Variants in SNRNP40 observed in about 807,000 individuals in gnomAD.
SNRNP40 encodes small nuclear ribonucleoprotein U5 subunit 40.
In SNRNP40, 21 loss-of-function variants were observed where a neutral mutation model predicts 45.8. That is an observed-to-expected ratio of 0.46 (90% CI 0.32 to 0.66). The LOEUF (loss-of-function observed/expected upper bound fraction) is 0.66, where lower values mean the gene tolerates loss of function less well. SNRNP40 is among the 30% of genes least tolerant of loss of function. SNRNP40 has a pLI of 0.03. For synonymous variants in SNRNP40, 142 were observed against 163.8 expected, an observed-to-expected ratio of 0.87 and a Z score of 1.01; for missense variants, 344 against 439.1, an observed-to-expected ratio of 0.78 and a Z score of 1.94.
At chr1:31,294,473 T>TA (rs1646127965) in intron 1 of SNRNP40, among the ~76,000 whole-genome samples, 2 of 149,632 alleles carry the variant, frequency 1.3e-5, no homozygotes, top group Non-Finnish European at 1.5e-5. Context: ...TTTATTTATT[T>TA]TTTGGGGAAG....
At chr1:31,263,908 C>T (rs1645878058) in intron 8 of SNRNP40, among the ~76,000 whole-genome samples, 1 of 94,404 alleles carries the variant, frequency 1.1e-5, no homozygotes, top group South Asian at 3.2e-4. Flanking sequence ...CATAAATGTA[C>T]TGGCTAAAAA....
chr1:31,284,307 C>T (rs1198661223), intron 4 of SNRNP40, among the ~76,000 whole-genome samples: 3 of 152,164 alleles, frequency 2.0e-5, no homozygotes, highest in Admixed American at 6.6e-5. Flanking sequence ...CGCCACCACG[C>T]CCAGCTAATT....
chr1:31,262,605 C>T (rs564663820), intron 8 of SNRNP40, among the ~76,000 whole-genome samples: 2 of 148,812 alleles, frequency 1.3e-5, no homozygotes, highest in African/African-American at 2.5e-5. Flanking sequence ...AAAACTGGGG[C>T]ACAGTGACGT....
Position 31,267,228 on chromosome 1 carries a change from AAT to A in SNRNP40, c.920+641_920+642del, listed in dbSNP as rs532801927. ...GTGATGGTGGGGGAGGTGGGTATTT[AAT>A]ATGTGTTCAAATGAACTGAAGCATG... On this transcript the variant is annotated intron_variant, in intron 8 of 9. Transcript: ENST00000263694. Among the ~76,000 whole-genome samples the A allele has an allele frequency of 2.2e-3, 328 of 152,278 alleles. 2 individuals are homozygous for A. Among genetic ancestry groups the A allele is most frequent in the Non-Finnish European group, 3.6e-3 (247 of 68,018 alleles).
intron 4 of SNRNP40, among the ~76,000 whole-genome samples, chr1:31,287,399 G>A (rs1344630895): frequency 1.3e-5 from 2 of 152,074 alleles, no homozygotes; most frequent in African/African-American, 4.8e-5. Context: ...TAAGGCAGAA[G>A]AGAAGCAAAA....
chr1:31,272,061 C>G (rs535392864), intron 5 of SNRNP40, among the ~76,000 whole-genome samples: 1 of 151,890 alleles, frequency 6.6e-6, no homozygotes, highest in Non-Finnish European at 1.5e-5. Context: ...AGGTTATTTT[C>G]AAATCATAGC....
In SNRNP40 at chr1:31,279,646, C is replaced by G. The variant is rs565655487; in HGVS notation, c.654+1728G>C. On this transcript the variant is annotated intron_variant, in intron 5 of 9. Transcript: ENST00000263694. ...CCTGTAGTCCCAGCTACTCAGGAGG[C>G]TGAGGCAAGAGAATTGCTTGAACCC... is the stretch of plus-strand genomic sequence containing the variant. Among the ~76,000 whole-genome samples, 24 of 152,044 alleles carry G rather than the reference C, an allele frequency of 1.6e-4. 1 individual carries two copies. In the South Asian group the frequency reaches 2.3e-3, roughly 14 times the overall value.
intron 7 of SNRNP40, among the ~76,000 whole-genome samples, chr1:31,268,707 T>A (rs1051303851): frequency 2.0e-5 from 3 of 152,116 alleles, no homozygotes; most frequent in Non-Finnish European, 4.4e-5. Flanking sequence ...TTGAAAAAAA[T>A]TTTCTCTCTC....
At chr1:31,263,518 C>G (rs1405228622) in intron 8 of SNRNP40, 6 of 376,308 alleles carry the variant, frequency 1.6e-5, no homozygotes, top group Admixed American at 1.4e-4. Flanking sequence ...CCCCTGAAAT[C>G]AACTCTGTTC....
chr1:31,284,321 C>G (rs12758600), intron 4 of SNRNP40, among the ~76,000 whole-genome samples: 117,706 of 151,798 alleles, frequency 0.78, 45,992 homozygotes, highest in African/African-American at 0.81. Flanking sequence ...GCTAATTTTT[C>G]TATTTTTAGA....
intron 4 of SNRNP40, 51 bp from the exon 5 acceptor site, chr1:31,281,547 T>C (rs376242602): frequency 9.6e-6 from 15 of 1,555,078 alleles, no homozygotes; most frequent in East Asian, 4.6e-5. Flanking sequence ...TAAGAAGCAA[T>C]TGCACAGTAC....
intron 8 of SNRNP40, among the ~76,000 whole-genome samples, chr1:31,263,894 C>A (rs1255016919): frequency 6.9e-6 from 1 of 145,834 alleles, no homozygotes; most frequent in Non-Finnish European, 1.5e-5. Context: ...TTTCACTTAC[C>A]CTCCATAAAT....
At chr1:31,267,156 C>T (rs1016286820) in intron 8 of SNRNP40, among the ~76,000 whole-genome samples, 2 of 151,918 alleles carry the variant, frequency 1.3e-5, no homozygotes, top group African/African-American at 2.4e-5. Context: ...GAGGTGAGAA[C>T]GCAAAAGGAG....
chr1:31,285,918 T>C (rs1039933159), intron 4 of SNRNP40, among the ~76,000 whole-genome samples: 2 of 152,220 alleles, frequency 1.3e-5, no homozygotes, highest in African/African-American at 4.8e-5. Flanking sequence ...AAATGGTTCA[T>C]GATTTTGTCT....
At chr1:31,293,980 A>G (rs1373361233) in intron 1 of SNRNP40, among the ~76,000 whole-genome samples, 4 of 152,052 alleles carry the variant, frequency 2.6e-5, no homozygotes, top group Non-Finnish European at 2.9e-5. Context: ...GTGTTTTGAG[A>G]CAGAGTTTTG....
intron 4 of SNRNP40, among the ~76,000 whole-genome samples, chr1:31,288,166 GAAAAAAA>G (rs112153143): frequency 1.3e-4 from 16 of 120,516 alleles, no homozygotes; most frequent in African/African-American, 4.1e-4. Context: ...CTGTCTCAAA[GAAAAAAA>G]AAAAAAAGCA....
intron 6 of SNRNP40, among the ~76,000 whole-genome samples, chr1:31,271,006 T>C (rs1028786096): frequency 6.6e-6 from 1 of 152,190 alleles, no homozygotes; most frequent in Non-Finnish European, 1.5e-5. Context: ...GAAGAGATCA[T>C]CCAAGCTTGG....
At chr1:31,292,406 G>T (rs1402968641) in intron 2 of SNRNP40, among the ~76,000 whole-genome samples, 2 of 152,238 alleles carry the variant, frequency 1.3e-5, no homozygotes, top group African/African-American at 4.8e-5. Context: ...TATGTAGTTT[G>T]TCTGATGAAA....
chr1:31,268,784 C>T (rs555169598), intron 7 of SNRNP40, among the ~76,000 whole-genome samples: 47 of 152,118 alleles, frequency 3.1e-4, no homozygotes, highest in African/African-American at 8.9e-4. Flanking sequence ...CACATGGTCA[C>T]GGGATGCGGA....
Sources: gnomAD v4.1 joint callset for allele counts (sites outside exome capture counted in the v4.1 genomes callset) on GRCh38, gnomAD v4.1.1 for gene constraint, MANE v1.5 for transcripts, NCBI Gene and HGNC (gene_info 2026-07-23, HGNC 2026-07-21) for gene names.